The following CLDN14 variants were observed in gnomAD, a reference collection of about 807,000 sequenced individuals.
CLDN14 encodes the protein claudin-14.
A neutral mutation model predicts 2.1 loss-of-function variants in CLDN14; 2 were observed. The ratio of observed to expected loss-of-function variants is 0.96; its 90% CI spans 0.39 to 3.01. The LOEUF (loss-of-function observed/expected upper bound fraction) is 3.01. Ranked by LOEUF, CLDN14 falls within the 30% of genes most tolerant of loss-of-function variation. The pLI, the probability that CLDN14 is intolerant of heterozygous loss-of-function variation, is 0.09. For synonymous variants in CLDN14, 136 were observed against 154.4 expected, an observed-to-expected ratio of 0.88 and a Z score of 0.88; for missense variants, 298 against 328.0, an observed-to-expected ratio of 0.91 and a Z score of 0.71.
chr21:36,531,424 C>A (rs371429592), intron 1 of CLDN14, among the ~76,000 whole-genome samples: 7 of 151,852 alleles, frequency 4.6e-5, no homozygotes, highest in Admixed American at 4.6e-4. Context: ...CGCACCACCA[C>A]GCTCAAATTT....
intron 2 of CLDN14, among the ~76,000 whole-genome samples, chr21:36,490,528 A>G (rs762965581): frequency 1.3e-5 from 2 of 151,454 alleles, no homozygotes; most frequent in Non-Finnish European, 2.9e-5. Flanking sequence ...AGCTGAGATG[A>G]CAGGTGTGCA....
At chr21:36,492,861 C>T (rs925516823) in intron 2 of CLDN14, among the ~76,000 whole-genome samples, 1 of 152,144 alleles carries the variant, frequency 6.6e-6, no homozygotes, top group African/African-American at 2.4e-5. Context: ...GGTCGTGGCC[C>T]TGCAGGCACC....
intron 1 of CLDN14, among the ~76,000 whole-genome samples, chr21:36,464,419 A>G (rs1418705558): frequency 6.6e-6 from 1 of 152,154 alleles, no homozygotes; most frequent in East Asian, 1.9e-4. Flanking sequence ...TTGGGTGACT[A>G]TTTGTTCACA....
At chr21:36,571,767 G>T (rs1326684663) in intron 1 of CLDN14, among the ~76,000 whole-genome samples, 7 of 152,156 alleles carry the variant, frequency 4.6e-5, no homozygotes, top group Non-Finnish European at 1.0e-4. Context: ...CATTCTCTCG[G>T]CTGGAAATTC....
chr21:36,532,788 C>T (rs894434922), intron 1 of CLDN14, among the ~76,000 whole-genome samples: 1 of 152,112 alleles, frequency 6.6e-6, no homozygotes, highest in Non-Finnish European at 1.5e-5. Flanking sequence ...ATTTAAGTTA[C>T]GATCAGAAAT....
intron 2 of CLDN14, chr21:36,486,347 C>A: frequency 1.2e-6 from 1 of 858,408 alleles, no homozygotes; most frequent in South Asian, 1.4e-5. Context: ...AGCCTTCAGT[C>A]CCAGTTGTAG....
intron 2 of CLDN14, among the ~76,000 whole-genome samples, chr21:36,493,451 A>G (rs1263030232): frequency 6.6e-6 from 1 of 152,140 alleles, no homozygotes; most frequent in Non-Finnish European, 1.5e-5. Flanking sequence ...GGTAAGAGAT[A>G]ATCTTCAAGG....
intron 1 of CLDN14, among the ~76,000 whole-genome samples, chr21:36,530,862 AAAC>A (rs1316130751): frequency 1.3e-5 from 2 of 152,246 alleles, no homozygotes; most frequent in Admixed American, 6.5e-5. Flanking sequence ...CTGTTGAGTG[AAAC>A]AACAAGATGC....
intron 1 of CLDN14, among the ~76,000 whole-genome samples, chr21:36,560,329 C>T (rs2087625520): frequency 6.6e-6 from 1 of 151,754 alleles, no homozygotes; most frequent in South Asian, 2.1e-4. Context: ...GGGGTAGTGG[C>T]ATCTTCCTGG....
rs2086823189 is a variant in CLDN14, at chr21:36,479,743, G to A, written c.-330C>T. The A allele has an allele frequency of 6.6e-6, 1 of 152,256 alleles. No individual in the cohort carries two copies. The highest frequency in any genetic ancestry group is 1.5e-5 in the Non-Finnish European group (1 of 68,080). 9.4% of individuals were successfully genotyped at this position (152,256 alleles called of 1,614,324 possible). A position where few individuals can be genotyped will look rare whatever the true frequency, so the allele number is the denominator to read the frequency against. On this transcript the variant is annotated 5_prime_UTR_variant, in exon 1 of 2. Transcript: ENST00000399135. ...CACGTGCCACTTGGTTAGCTAGCAT[G>A]AGAGGAGGTGGCTTGGCCAGAGCAG...
intron 1 of CLDN14, among the ~76,000 whole-genome samples, chr21:36,573,549 A>G (rs1430576538): frequency 5.9e-5 from 9 of 152,170 alleles, no homozygotes; most frequent in Admixed American, 5.9e-4. Context: ...TATCAACACC[A>G]CTACTATAAA....
At chr21:36,497,599 G>A (rs2087049614) in intron 2 of CLDN14, among the ~76,000 whole-genome samples, 1 of 152,016 alleles carries the variant, frequency 6.6e-6, no homozygotes, top group Non-Finnish European at 1.5e-5. Context: ...AACTTCAAAG[G>A]TTTTGCACAA....
At chr21:36,476,513 T>C (rs2845764) in intron 1 of CLDN14, among the ~76,000 whole-genome samples, 130,153 of 151,748 alleles carry the variant, frequency 0.86, 55,993 homozygotes, top group African/African-American at 0.9. Context: ...AGCGCGGTGG[T>C]GCGATCTCAG....
At chr21:36,526,760 T>C (rs17814164) in intron 1 of CLDN14, among the ~76,000 whole-genome samples, 32,502 of 152,230 alleles carry the variant, frequency 0.21, 3,660 homozygotes, top group Non-Finnish European at 0.24. Flanking sequence ...CACCCCTATT[T>C]AATTATCATT....
At chr21:36,489,941 A>G (rs1159974553) in intron 2 of CLDN14, among the ~76,000 whole-genome samples, 1 of 152,210 alleles carries the variant, frequency 6.6e-6, no homozygotes, top group Non-Finnish European at 1.5e-5. Flanking sequence ...CTGAGCCCTC[A>G]ACCAGGAGCC....
At chr21:36,569,331 G>A (rs992552695) in intron 1 of CLDN14, among the ~76,000 whole-genome samples, 5 of 151,740 alleles carry the variant, frequency 3.3e-5, no homozygotes, top group African/African-American at 9.7e-5. Context: ...CAGAAGAATC[G>A]CTTGAACCCG....
chr21:36,485,926 A>T (rs1258504459), intron 2 of CLDN14: 1 of 1,018,804 alleles, frequency 9.8e-7, no homozygotes. Flanking sequence ...CTAACCCTAT[A>T]TTCTCTGCGT....
At chr21:36,507,585 G>C (rs2146481740) in intron 2 of CLDN14, among the ~76,000 whole-genome samples, 1 of 152,248 alleles carries the variant, frequency 6.6e-6, no homozygotes, top group African/African-American at 2.4e-5. Flanking sequence ...CCAATGTGGT[G>C]GAGTCCCGTC....
intron 1 of CLDN14, among the ~76,000 whole-genome samples, chr21:36,571,685 C>T (rs574429100): frequency 1.3e-5 from 2 of 152,232 alleles, no homozygotes; most frequent in South Asian, 2.1e-4. Context: ...TGGAACGTAG[C>T]GCCTTTTGCA....
Sources: allele counts gnomAD v4.1 joint callset (sites outside exome capture counted in the v4.1 genomes callset), GRCh38; gene constraint gnomAD v4.1.1; transcripts MANE v1.5; gene names NCBI Gene and HGNC (gene_info 2026-07-23, HGNC 2026-07-21).